Variants in UQCRB observed in about 807,000 individuals in gnomAD.
The protein encoded by UQCRB is ubiquinol-cytochrome c reductase binding protein, also known as cytochrome b-c1 complex subunit 7.
In UQCRB, 12 loss-of-function variants were observed where a neutral mutation model predicts 19.8. That is an observed-to-expected ratio of 0.61 (90% CI 0.39 to 0.98). The LOEUF (loss-of-function observed/expected upper bound fraction) is 0.98. Ranked by LOEUF, UQCRB falls within the 50% of genes least tolerant of loss-of-function variation. The pLI is 0.00. For synonymous variants in UQCRB, 39 were observed against 42.9 expected (o/e 0.91, Z 0.35); for missense variants, 142 against 131.8 (o/e 1.08, Z -0.38).
At chr8:96,231,557 A>G (rs1415319457) in intron 3 of UQCRB, 2 of 1,403,274 alleles carry the variant, frequency 1.4e-6, no homozygotes, top group Non-Finnish European at 9.7e-7. Flanking sequence ...GGCTCTCTAT[A>G]TTAGAGACTT....
Position 96,223,630 on chromosome 8 carries a change from A to G in UQCRB, c.*7425T>C, listed in dbSNP as rs546768953. On this transcript the variant is annotated 3_prime_UTR_variant, in exon 4 of 4. Transcript: ENST00000287022. Reference sequence around the variant, plus strand: ...AGGCAGAATTTAATTTTTGTCTTAAAGTAAAGCTAGAATTTAGACAGAGTA... The same window carrying G: ...AGGCAGAATTTAATTTTTGTCTTAAGGTAAAGCTAGAATTTAGACAGAGTA... 7.8e-6 allele frequency among the ~76,000 whole-genome samples: 1 copy of G among 129,024 alleles called. No homozygotes were observed. The highest frequency in any genetic ancestry group is 2.4e-4 in the South Asian group (1 of 4,142). The allele number at this position is 129,024 out of a possible 152,430, so 84.6% of individuals were successfully genotyped here.
At chr8:96,232,078 T>C in intron 2 of UQCRB, 138 bp from the exon 3 acceptor site, 1 of 791,380 alleles carries the variant, frequency 1.3e-6, no homozygotes. Context: ...TCAATGGAAA[T>C]TCAATGCATT....
In UQCRB at chr8:96,228,360, T is replaced by C. The variant is rs1563534709; in HGVS notation, c.*2695A>G. 3 of 453,980 alleles carry C rather than the reference T, an allele frequency of 6.6e-6. No homozygotes were observed. Among genetic ancestry groups the C allele is most frequent in the Non-Finnish European group, 1.3e-5 (3 of 226,778 alleles). 28.1% of individuals were successfully genotyped at this position (453,980 alleles called of 1,614,324 possible). ...CCATCCAAAACACAAAACAGGGAGA[T>C]AGCCAAGTCTTAGCTCCATCCTAAT... On this transcript the variant is annotated 3_prime_UTR_variant, in exon 4 of 4. Coordinates refer to ENST00000287022, the MANE Select transcript of UQCRB (RefSeq NM_006294.5).
At position 96,230,928 on chromosome 8, in the gene UQCRB, A is replaced by T. The variant is rs779797892; in HGVS notation, c.*127T>A. On this transcript the variant is annotated 3_prime_UTR_variant, in exon 4 of 4. Transcript: ENST00000287022. ...TTCAGTATAAGGTTTGGAATTCAAA[A>T]ACTCCAGCCATTACAATAGACATTT... 4.0e-5 allele frequency: 42 copies of T among 1,047,238 alleles called. No homozygotes were observed. Among genetic ancestry groups the T allele is most frequent in the Middle Eastern group, 3.0e-4 (1 of 3,370 alleles). The allele number at this position is 1,047,238 out of a possible 1,614,324, so 64.9% of individuals were successfully genotyped here. A position where few individuals can be genotyped will look rare whatever the true frequency, so the allele number is the denominator to read the frequency against.
In UQCRB at chr8:96,226,836, A is replaced by C; in HGVS notation, c.*4219T>G. The C allele has an allele frequency of 2.2e-6, 1 of 449,254 alleles. No individual in the cohort carries two copies. The highest frequency in any genetic ancestry group is 1.6e-5 in the South Asian group (1 of 62,728). 27.8% of individuals were successfully genotyped at this position (449,254 alleles called of 1,614,324 possible). On this transcript the variant is annotated 3_prime_UTR_variant, in exon 4 of 4. Coordinates refer to ENST00000287022, the MANE Select transcript of UQCRB (RefSeq NM_006294.5). ...AGAATGACAATTTAAATAGTTTATC[A>C]TAAGCCTCTGGAATATTAACAGGCT...
intron 2 of UQCRB, chr8:96,232,223 C>G (rs1809694097): frequency 2.8e-6 from 1 of 362,230 alleles, no homozygotes; most frequent in Non-Finnish European, 5.1e-6. Flanking sequence ...TCCAATGCCA[C>G]AAAATTCATA....
intron 2 of UQCRB, chr8:96,232,145 G>C: frequency 1.7e-6 from 1 of 585,146 alleles, no homozygotes; most frequent in Non-Finnish European, 3.0e-6. Context: ...AAAGTAATGA[G>C]TTATTACTTG....
rs770358119 is a variant in UQCRB, at chr8:96,227,297, A to G, written c.*3758T>C. On this transcript the variant is annotated 3_prime_UTR_variant, in exon 4 of 4. Coordinates refer to ENST00000287022, the MANE Select transcript of UQCRB (RefSeq NM_006294.5). ...TTCTCCTGATGGCCATAAACCTCTA[A>G]GGTGTTGTCATCCTGAAAAATGAAG... 1.2e-4 allele frequency: 54 copies of G among 453,982 alleles called. No individual in the cohort carries two copies. The highest frequency in any genetic ancestry group is 9.7e-5 in the Non-Finnish European group (22 of 226,774). 28.1% of individuals were successfully genotyped at this position (453,982 alleles called of 1,614,324 possible).
In UQCRB at chr8:96,230,346, G is replaced by C; in HGVS notation, c.*709C>G. Reference sequence around the variant, plus strand: ...CCCGCCTCGGCCTCCCAAAGTGCTGGGATTACAGGCATGAGCCACCATGCC... The same window carrying C: ...CCCGCCTCGGCCTCCCAAAGTGCTGCGATTACAGGCATGAGCCACCATGCC... On this transcript the variant is annotated 3_prime_UTR_variant, in exon 4 of 4. Coordinates refer to ENST00000287022, the MANE Select transcript of UQCRB (RefSeq NM_006294.5). 1 of 424,244 alleles carries C rather than the reference G, an allele frequency of 2.4e-6. No homozygotes were observed. Among genetic ancestry groups the C allele is most frequent in the East Asian group, 7.1e-5 (1 of 14,164 alleles). 26.3% of individuals were successfully genotyped at this position (424,244 alleles called of 1,614,324 possible).
Position 96,224,716 on chromosome 8 carries a change from A to G in UQCRB, c.*6339T>C, listed in dbSNP as rs1415320511. Among the ~76,000 whole-genome samples, 1 of 152,232 alleles carries G rather than the reference A, an allele frequency of 6.6e-6. No individual in the cohort carries two copies. Among genetic ancestry groups the G allele is most frequent in the African/African-American group, 2.4e-5 (1 of 41,466 alleles). On this transcript the variant is annotated 3_prime_UTR_variant, in exon 4 of 4. Coordinates refer to ENST00000287022, the MANE Select transcript of UQCRB (RefSeq NM_006294.5). ...GGACTTCTTAGTATCTCTCAAAAAT[A>G]TACTCTGCTCACACCATATCCCTAA...
At position 96,230,391 on chromosome 8, in the gene UQCRB, A is replaced by T. The variant is rs774170465; in HGVS notation, c.*664T>A. 14 of 442,666 alleles carry T rather than the reference A, an allele frequency of 3.2e-5. No homozygotes were observed. The highest frequency in any genetic ancestry group is 2.1e-4 in the South Asian group (13 of 62,072). The allele number at this position is 442,666 out of a possible 1,614,324, so 27.4% of individuals were successfully genotyped here. ...CATGCCTTGCCAATGATTCTAATTT[A>T]TATTTTTAAAAATTACCCTATAATC... On this transcript the variant is annotated 3_prime_UTR_variant, in exon 4 of 4. Transcript: ENST00000287022.
At position 96,229,457 on chromosome 8, in the gene UQCRB, T is replaced by C. The variant is rs1452631299; in HGVS notation, c.*1598A>G. 4.4e-6 allele frequency: 2 copies of C among 454,014 alleles called. No individual in the cohort carries two copies. The highest frequency in any genetic ancestry group is 1.4e-4 in the East Asian group (2 of 14,408). The allele number at this position is 454,014 out of a possible 1,614,324, so 28.1% of individuals were successfully genotyped here. A position where few individuals can be genotyped will look rare whatever the true frequency, so the allele number is the denominator to read the frequency against. On this transcript the variant is annotated 3_prime_UTR_variant, in exon 4 of 4. Transcript: ENST00000287022. ...TTGAGATGCCTCAGTTGTAGTCTCC[T>C]TGTAATTGTGCACAGTAGACGTCTG...
At chr8:96,233,404 G>A (rs1809722847) in intron 1 of UQCRB, 177 bp from the exon 2 acceptor site, 1 of 602,416 alleles carries the variant, frequency 1.7e-6, no homozygotes, top group Admixed American at 3.2e-5. Context: ...AGATTTAAAA[G>A]AAAAAAGTTT....
In UQCRB at chr8:96,235,514, G is replaced by C; in HGVS notation, c.17C>G (p.Ala6Gly). The change falls in exon 1 of 4, where the codon GCC becomes GGC. Residue 6 changes from alanine to glycine, a missense_variant and splice_region_variant. Transcript: ENST00000287022. ...CAAGAAGACCCCCAGTTACTTACCG[G>C]CCTGCTTACCAGCCATTTTGACCAG... Reference protein sequence around the residue: MAGKQAVSASGKWLDG... With the variant: MAGKQGVSASGKWLDG... 6.2e-7 allele frequency: 1 copy of C among 1,614,202 alleles called. No homozygotes were observed. The highest frequency in any genetic ancestry group is 8.5e-7 in the Non-Finnish European group (1 of 1,180,024).
At position 96,228,083 on chromosome 8, in the gene UQCRB, G is replaced by T. The variant is rs1388297135; in HGVS notation, c.*2972C>A. ...GCTTCCTACATCTTGACAACAGGAAGGCCAAGTGATACTAGGTAGTGCACT... is the reference window on the plus strand; with the variant it reads ...GCTTCCTACATCTTGACAACAGGAATGCCAAGTGATACTAGGTAGTGCACT... On this transcript the variant is annotated 3_prime_UTR_variant, in exon 4 of 4. Transcript: ENST00000287022. The T allele has an allele frequency of 1.3e-5, 6 of 454,098 alleles. No homozygotes were observed. Among genetic ancestry groups the T allele is most frequent in the Non-Finnish European group, 2.6e-5 (6 of 226,798 alleles). The allele number at this position is 454,098 out of a possible 1,614,324, so 28.1% of individuals were successfully genotyped here. A position where few individuals can be genotyped will look rare whatever the true frequency, so the allele number is the denominator to read the frequency against.
chr8:96,223,815 T>C lies in UQCRB; in HGVS notation c.*7240A>G. Among the ~76,000 whole-genome samples the C allele has an allele frequency of 6.6e-6, 1 of 152,238 alleles. No homozygotes were observed. Among genetic ancestry groups the C allele is most frequent in the East Asian group, 1.9e-4 (1 of 5,196 alleles). On this transcript the variant is annotated 3_prime_UTR_variant, in exon 4 of 4. Coordinates refer to ENST00000287022, the MANE Select transcript of UQCRB (RefSeq NM_006294.5). ...GACAAACCTTCTGTTTTCTATCATATGGCATCTTTTTAGCACTGGCATTTA... is the reference window on the plus strand; with the variant it reads ...GACAAACCTTCTGTTTTCTATCATACGGCATCTTTTTAGCACTGGCATTTA...
In UQCRB at chr8:96,231,076, T is replaced by C. The variant is rs765230176; in HGVS notation, c.315A>G (p.Arg105=). 4 of 1,613,784 alleles carry C rather than the reference T, an allele frequency of 2.5e-6. No homozygotes were observed. The South Asian group carries it at 4.4e-5, about 18-fold the overall frequency. ...ATGATTACTTCTTTGCCCATTCTTC[T>C]CTTTCTTTTCTTTCCCGAATAACCT... is the stretch of plus-strand genomic sequence containing the variant. ...LKEVIRERKE[R]EEWAKK The change falls in exon 4 of 4, where the codon AGA becomes AGG. Residue 105 remains arginine (R), a synonymous_variant. Coordinates refer to ENST00000287022, the MANE Select transcript of UQCRB (RefSeq NM_006294.5).
In UQCRB at chr8:96,226,174, C is replaced by T. The variant is rs1586148097; in HGVS notation, c.*4881G>A. 6.6e-6 allele frequency: 1 copy of T among 152,160 alleles called. No individual in the cohort carries two copies. The highest frequency in any genetic ancestry group is 6.5e-5 in the Admixed American group (1 of 15,274). The allele number at this position is 152,160 out of a possible 1,614,324, so 9.4% of individuals were successfully genotyped here. On this transcript the variant is annotated 3_prime_UTR_variant, in exon 4 of 4. Coordinates refer to ENST00000287022, the MANE Select transcript of UQCRB (RefSeq NM_006294.5). ...AACACATACATCAATTTAAAAAATC[C>T]AGAAAATTATGTAATGAACAAGCAT...
In UQCRB at chr8:96,235,536, C is replaced by G. The variant is rs769412429; in HGVS notation, c.-6G>C. ...CCGGCCTGCTTACCAGCCATTTTGACCAGAAAGAGAAGCGTTGCCTTCTGG... is the reference window on the plus strand; with the variant it reads ...CCGGCCTGCTTACCAGCCATTTTGAGCAGAAAGAGAAGCGTTGCCTTCTGG... On this transcript the variant is annotated 5_prime_UTR_variant, in exon 1 of 4. Coordinates refer to ENST00000287022, the MANE Select transcript of UQCRB (RefSeq NM_006294.5). The G allele has an allele frequency of 5.6e-6, 9 of 1,614,086 alleles. No individual in the cohort carries two copies. The highest frequency in any genetic ancestry group is 5.9e-6 in the Non-Finnish European group (7 of 1,180,048).
Sources: gnomAD v4.1 joint callset for allele counts (sites outside exome capture counted in the v4.1 genomes callset) on GRCh38, gnomAD v4.1.1 for gene constraint, MANE v1.5 for transcripts, NCBI Gene and HGNC (gene_info 2026-07-23, HGNC 2026-07-21) for gene names.